The following MTG2 variants were observed in gnomAD, a reference collection of about 807,000 sequenced individuals.
MTG2 encodes the protein mitochondrial ribosome-associated GTPase 2.
A neutral mutation model predicts 28.6 loss-of-function variants in MTG2; 23 were observed. That is an observed-to-expected ratio of 0.80 (90% CI 0.58 to 1.14). The LOEUF is 1.14. Among genes scored for constraint, MTG2 ranks in the 50% most tolerant of loss-of-function variants. MTG2 has a pLI of 0.00. For synonymous variants in MTG2, 260 were observed against 251.8 expected, an observed-to-expected ratio of 1.03 and a Z score of -0.31; for missense variants, 539 against 552.0, an observed-to-expected ratio of 0.98 and a Z score of 0.24.
intron 1 of MTG2, among the ~76,000 whole-genome samples, chr20:62,184,597 A>T (rs1192278814): frequency 6.6e-6 from 1 of 152,152 alleles, no homozygotes. Flanking sequence ...TGTGAGCCTC[A>T]GTCTGAGTGG....
chr20:62,183,401 A>C (rs2057763690), intron 1 of MTG2, among the ~76,000 whole-genome samples: 1 of 152,268 alleles, frequency 6.6e-6, no homozygotes, highest in Non-Finnish European at 1.5e-5. Context: ...TTCCGAGTCA[A>C]GTTGTTAGGA....
intron 1 of MTG2, among the ~76,000 whole-genome samples, chr20:62,187,317 T>G (rs1471213851): frequency 6.6e-6 from 1 of 152,238 alleles, no homozygotes; most frequent in Non-Finnish European, 1.5e-5. Flanking sequence ...ATTTTATTTT[T>G]TCTTAGTGTC....
At chr20:62,183,412 A>G (rs2057763890) in intron 1 of MTG2, among the ~76,000 whole-genome samples, 4 of 152,202 alleles carry the variant, frequency 2.6e-5, no homozygotes, top group Admixed American at 2.6e-4. Context: ...GTTGTTAGGA[A>G]TTTGCCTTGA....
intron 1 of MTG2, among the ~76,000 whole-genome samples, chr20:62,183,616 C>G (rs747918499): frequency 6.6e-6 from 1 of 152,194 alleles, no homozygotes; most frequent in Admixed American, 6.5e-5. Flanking sequence ...GCGGGTTACC[C>G]GTTCTATTCC....
intron 1 of MTG2, among the ~76,000 whole-genome samples, chr20:62,187,825 A>G (rs566304980): frequency 6.6e-6 from 1 of 152,160 alleles, no homozygotes; most frequent in Admixed American, 6.5e-5. Context: ...TCTGCTCTGT[A>G]TTATTCTCCT....
At chr20:62,198,901 A>C in intron 5 of MTG2, 49 bp downstream of exon 5, 1 of 1,608,596 alleles carries the variant, frequency 6.2e-7, no homozygotes, top group African/African-American at 1.3e-5. Flanking sequence ...AGCTCTAGAA[A>C]ATCCACTTTT....
At chr20:62,198,068 C>A in intron 4 of MTG2, 101 bp downstream of exon 4, 2 of 903,912 alleles carry the variant, frequency 2.2e-6, no homozygotes, top group Non-Finnish European at 1.7e-6. Flanking sequence ...GGCTTGATGC[C>A]CACAGCTAGG....
At chr20:62,199,092 T>A in intron 5 of MTG2, 27 bp from the exon 6 acceptor site, 1 of 1,612,722 alleles carries the variant, frequency 6.2e-7, no homozygotes, top group Non-Finnish European at 8.5e-7. Flanking sequence ...CCGCGGGCCG[T>A]GCCACCGTCT....
chr20:62,187,047 A>G (rs2057863764), intron 1 of MTG2, among the ~76,000 whole-genome samples: 2 of 152,206 alleles, frequency 1.3e-5, no homozygotes, highest in African/African-American at 4.8e-5. Flanking sequence ...TGCCCTTATC[A>G]GGGCGAAGAT....
intron 6 of MTG2, 88 bp downstream of exon 6, chr20:62,199,345 T>G: frequency 6.7e-7 from 1 of 1,495,670 alleles, no homozygotes; most frequent in Admixed American, 2.0e-5. Flanking sequence ...TAGCTTTCTG[T>G]TTAAAATGTA....
In MTG2 at chr20:62,198,723, G is replaced by A; in HGVS notation, c.558G>A (p.Gly186=). The A allele has an allele frequency of 6.2e-7, 1 of 1,614,166 alleles. No homozygotes were observed. The highest frequency in any genetic ancestry group is 8.5e-7 in the Non-Finnish European group (1 of 1,180,054). Residue 186 remains glycine (G), a synonymous_variant, in exon 5 of 7, where the codon GGG becomes GGA. Transcript: ENST00000370823. ...ATGAGTACATTGCCGCGCTGGGCGG[G>A]GCAGGAGGGAAAGGCAACCGCTTCT... The part of the protein sequence containing the change: ...VGDEYIAALG[G]AGGKGNRFFL...
At chr20:62,184,366 A>AC (rs1255553727) in intron 1 of MTG2, among the ~76,000 whole-genome samples, 13 of 137,588 alleles carry the variant, frequency 9.4e-5, no homozygotes, top group Admixed American at 6.8e-4. Context: ...TCAAAAACAT[A>AC]CCCAAAAAAA....
chr20:62,184,025 C>T (rs996503066), intron 1 of MTG2, among the ~76,000 whole-genome samples: 1 of 152,212 alleles, frequency 6.6e-6, no homozygotes, highest in Non-Finnish European at 1.5e-5. Context: ...TGAGTCTCAG[C>T]CTCCACTGCT....
At chr20:62,186,805 A>T (rs904676973) in intron 1 of MTG2, among the ~76,000 whole-genome samples, 1 of 152,126 alleles carries the variant, frequency 6.6e-6, no homozygotes, top group African/African-American at 2.4e-5. Context: ...CTGGGATTAC[A>T]GGCATGAGCC....
intron 6 of MTG2, 71 bp from the exon 7 acceptor site, chr20:62,200,612 C>G (rs937536214): frequency 7.3e-6 from 11 of 1,500,284 alleles, no homozygotes; most frequent in Non-Finnish European, 9.7e-6. Flanking sequence ...CTCCCAGGCT[C>G]GAGGTGGAAG....
intron 1 of MTG2, among the ~76,000 whole-genome samples, chr20:62,184,977 G>A (rs1434472134): frequency 6.6e-6 from 1 of 151,856 alleles, no homozygotes; most frequent in Non-Finnish European, 1.5e-5. Flanking sequence ...GGGTGTGGTG[G>A]TGGGTGCATG....
chr20:62,191,359 T>C (rs1393061296), intron 1 of MTG2, among the ~76,000 whole-genome samples: 1 of 152,136 alleles, frequency 6.6e-6, no homozygotes, highest in Non-Finnish European at 1.5e-5. Flanking sequence ...AATGACACCC[T>C]GGTTCTGGAG....
In MTG2 at chr20:62,201,268, T is replaced by A; in HGVS notation, c.*191T>A. On this transcript the variant is annotated 3_prime_UTR_variant, in exon 7 of 7. Transcript: ENST00000370823. The stretch of plus-strand genomic sequence containing the variant: ...TCCGTGCCCCCTACCCCGCCTGCCC[T>A]CCGTATTTCCTGCACCTGTCAGCCT... The A allele has an allele frequency of 1.5e-6, 1 of 666,274 alleles. No individual in the cohort carries two copies. The highest frequency in any genetic ancestry group is 2.5e-6 in the Non-Finnish European group (1 of 402,124). The allele number at this position is 666,274 out of a possible 1,614,324, so 41.3% of individuals were successfully genotyped here.
At chr20:62,190,260 A>G (rs1050749040) in intron 1 of MTG2, among the ~76,000 whole-genome samples, 2 of 152,152 alleles carry the variant, frequency 1.3e-5, no homozygotes, top group African/African-American at 4.8e-5. Context: ...GGTCCCTCGA[A>G]TCCCCTCCTG....
Sources: gnomAD v4.1 joint callset for allele counts (sites outside exome capture counted in the v4.1 genomes callset) on GRCh38, gnomAD v4.1.1 for gene constraint, MANE v1.5 for transcripts, NCBI Gene and HGNC (gene_info 2026-07-23, HGNC 2026-07-21) for gene names.